CEP83: variants seen among roughly 807,000 people sequenced by gnomAD.
The protein encoded by CEP83 is centrosomal protein of 83 kDa.
Under a neutral mutation model 101.9 loss-of-function variants are expected in CEP83, and 70 were observed. That is an observed-to-expected ratio of 0.69 (90% CI 0.57 to 0.84). CEP83 has a LOEUF of 0.84. Among genes scored for constraint, CEP83 ranks in the 40% least tolerant of loss-of-function variants. CEP83 has a pLI of 0.00. For synonymous variants in CEP83, 264 were observed against 267.9 expected, an observed-to-expected ratio of 0.99 and a Z score of 0.14; for missense variants, 715 against 787.2, an observed-to-expected ratio of 0.91 and a Z score of 1.10.
chr12:94,411,584 A>G, intron 4 of CEP83, 113 bp downstream of exon 4: 3 of 724,548 alleles, frequency 4.1e-6, no homozygotes, highest in Non-Finnish European at 6.9e-6. Context: ...GAGATACAGC[A>G]AAGTAATCAT....
chr12:94,435,676 G>A (rs1037864283), intron 1 of CEP83, among the ~76,000 whole-genome samples: 2 of 152,110 alleles, frequency 1.3e-5, no homozygotes, highest in Non-Finnish European at 2.9e-5. Context: ...CTGACTGGAG[G>A]CCAACCAACT....
intron 1 of CEP83, among the ~76,000 whole-genome samples, chr12:94,445,793 T>G (rs2066755132): frequency 1.3e-5 from 2 of 152,214 alleles, no homozygotes; most frequent in Admixed American, 1.3e-4. Flanking sequence ...ACTGGGAGAT[T>G]GAAATTGTCC....
chr12:94,331,266 G>C (rs1374239956), intron 14 of CEP83, among the ~76,000 whole-genome samples: 1 of 121,372 alleles, frequency 8.2e-6, no homozygotes, highest in East Asian at 2.5e-4. Context: ...AATCCAACCT[G>C]GGTGATGGGA....
chr12:94,341,048 A>C (rs2059663327), intron 11 of CEP83, among the ~76,000 whole-genome samples: 1 of 152,240 alleles, frequency 6.6e-6, no homozygotes. Flanking sequence ...GTCATAACCA[A>C]AAGTTGACTA....
At chr12:94,322,904 C>T (rs1426968132) in intron 14 of CEP83, among the ~76,000 whole-genome samples, 1 of 152,222 alleles carries the variant, frequency 6.6e-6, no homozygotes, top group Non-Finnish European at 1.5e-5. Context: ...GACTAGTGAC[C>T]CTGGTCGGGA....
downstream of CEP83, chr12:94,306,143 G>GTAAC (rs1169295131): frequency 6.6e-6 from 1 of 151,970 alleles, no homozygotes; most frequent in East Asian, 1.9e-4. Context: ...CTGTGGAAGA[G>GTAAC]TAACTCCATT....
intron 6 of CEP83, among the ~76,000 whole-genome samples, chr12:94,391,999 A>C (rs1313582348): frequency 6.6e-6 from 1 of 152,224 alleles, no homozygotes; most frequent in East Asian, 1.9e-4. Context: ...GTAAGTCCTT[A>C]GAGACCTACA....
At chr12:94,368,817 A>G (rs1325595105) in intron 9 of CEP83, 1 of 152,242 alleles carries the variant, frequency 6.6e-6, no homozygotes, top group Non-Finnish European at 1.5e-5. Context: ...TCTTAACTCT[A>G]TGGAAATCCA....
chr12:94,302,625 GGT>G (rs1372296702), downstream of CEP83, among the ~76,000 whole-genome samples: 1 of 152,122 alleles, frequency 6.6e-6, no homozygotes, highest in East Asian at 1.9e-4. Flanking sequence ...TACCAAATAA[GGT>G]AGTTATTATT....
chr12:94,390,421 T>C (rs961650002), intron 6 of CEP83, among the ~76,000 whole-genome samples: 7 of 151,904 alleles, frequency 4.6e-5, no homozygotes, highest in East Asian at 1.9e-4. Context: ...CAGAAAGAAA[T>C]AGCAGCAGGA....
At chr12:94,423,043 A>T (rs1310803070) in intron 2 of CEP83, among the ~76,000 whole-genome samples, 1 of 151,866 alleles carries the variant, frequency 6.6e-6, no homozygotes, top group Non-Finnish European at 1.5e-5. Flanking sequence ...TCTTTTTCCA[A>T]CGTGGTTGTA....
chr12:94,417,665 T>TA (rs2064384892), intron 2 of CEP83, among the ~76,000 whole-genome samples: 2 of 152,096 alleles, frequency 1.3e-5, no homozygotes, highest in Non-Finnish European at 2.9e-5. Flanking sequence ...GGTGCACGTC[T>TA]GTCATCTCAG....
At chr12:94,454,575 G>A in intron 1 of CEP83, among the ~76,000 whole-genome samples, 1 of 152,208 alleles carries the variant, frequency 6.6e-6, no homozygotes, top group East Asian at 1.9e-4. Context: ...CCAAATAAGG[G>A]AAGAAGAGCT....
the CEP83 span, among the ~76,000 whole-genome samples, chr12:94,299,957 G>T: frequency 1.3e-5 from 2 of 152,138 alleles, no homozygotes; most frequent in South Asian, 4.1e-4. Flanking sequence ...TCTGAGCAGG[G>T]GCAGCAGCCA....
chr12:94,417,705 T>C (rs2064387742), intron 2 of CEP83, among the ~76,000 whole-genome samples: 1 of 151,706 alleles, frequency 6.6e-6, no homozygotes, highest in Admixed American at 6.6e-5. Context: ...AGGAGAACGC[T>C]TGAACCCAGG....
intron 4 of CEP83, among the ~76,000 whole-genome samples, chr12:94,408,937 C>T (rs2063715300): frequency 6.6e-6 from 1 of 151,992 alleles, no homozygotes; most frequent in Non-Finnish European, 1.5e-5. Flanking sequence ...GAGCTAGGCA[C>T]TATTATCATT....
chr12:94,347,729 G>C (rs2136711029), intron 11 of CEP83, among the ~76,000 whole-genome samples: 1 of 152,158 alleles, frequency 6.6e-6, no homozygotes, highest in Admixed American at 6.5e-5. Context: ...GCAATAAAAA[G>C]ACATGGGCTA....
At chr12:94,309,698 A>G (rs1474090998) in intron 16 of CEP83, among the ~76,000 whole-genome samples, 1 of 152,318 alleles carries the variant, frequency 6.6e-6, no homozygotes, top group East Asian at 1.9e-4. Context: ...TTTCACTCTC[A>G]GCACCAACAC....
intron 11 of CEP83, among the ~76,000 whole-genome samples, chr12:94,355,567 A>T (rs2060426484): frequency 6.6e-6 from 1 of 152,246 alleles, no homozygotes; most frequent in East Asian, 1.9e-4. Context: ...AAATCAGTAC[A>T]GAAACTTACA....
Sources: allele counts gnomAD v4.1 joint callset (sites outside exome capture counted in the v4.1 genomes callset), GRCh38; gene constraint gnomAD v4.1.1; transcripts MANE v1.5; gene names NCBI Gene and HGNC (gene_info 2026-07-23, HGNC 2026-07-21).